The following SPECC1L variants were observed in gnomAD, a reference collection of about 807,000 sequenced individuals.
SPECC1L encodes the protein sperm antigen with calponin homology and coiled-coil domains 1 like, also known as cytospin-A.
SPECC1L carries 40 observed loss-of-function variants against 116.8 expected under a neutral mutation model. The ratio of observed to expected loss-of-function variants is 0.34; its 90% CI spans 0.27 to 0.45. The LOEUF is 0.45. SPECC1L is among the 20% of genes least tolerant of loss of function. The probability of loss-of-function intolerance (pLI) is 1.00; values close to 1 mark genes in which losing one functional copy is unlikely to be tolerated. For missense variants in SPECC1L, 1,110 were observed against 1,373.6 expected, an observed-to-expected ratio of 0.81 and a Z score of 3.03; for synonymous variants, 504 against 500.6, an observed-to-expected ratio of 1.01 and a Z score of -0.09.
At chr22:24,365,100 C>T (rs1237444727) in intron 12 of SPECC1L, among the ~76,000 whole-genome samples, 6 of 152,062 alleles carry the variant, frequency 3.9e-5, no homozygotes, top group African/African-American at 4.8e-5. Flanking sequence ...CTCCACCACC[C>T]GGGTTTAAGC....
In SPECC1L at chr22:24,399,353, G is replaced by T. The variant is rs192447477; in HGVS notation, c.3088-12235G>T. Among the ~76,000 whole-genome samples the T allele has an allele frequency of 1.7e-4, 26 of 152,266 alleles. No individual in the cohort carries two copies. The East Asian group carries it at 3.7e-3, about 21-fold the overall frequency. On this transcript the variant is annotated intron_variant, in intron 14 of 16. Coordinates refer to ENST00000314328, the MANE Select transcript of SPECC1L (RefSeq NM_015330.6). ...TGGGAGGCCGAGGCGGGTGGATCAC[G>T]AGGTCAGGAGATCGAGACCATCCTG...
intron 2 of SPECC1L, among the ~76,000 whole-genome samples, chr22:24,278,145 A>G (rs916094739): frequency 6.6e-6 from 1 of 152,086 alleles, no homozygotes; most frequent in Non-Finnish European, 1.5e-5. Context: ...ACTTGAGCCT[A>G]GTAGTTTGAG....
chr22:24,286,993 G>A (rs569216225), intron 2 of SPECC1L, among the ~76,000 whole-genome samples: 1 of 152,206 alleles, frequency 6.6e-6, no homozygotes, highest in Non-Finnish European at 1.5e-5. Context: ...CCTAAATGTT[G>A]TCTGGATAAA....
rs188252637 is a variant in SPECC1L, at chr22:24,355,327, A to G, written c.2744-7934A>G. ...AAGGAAACCAAGATCCAGGTGCTAA[A>G]TGTGCTCATTGCTACTGGGGTTTCA... On this transcript the variant is annotated intron_variant, in intron 11 of 16. Transcript: ENST00000314328. 2.3e-3 allele frequency among the ~76,000 whole-genome samples: 345 copies of G among 151,794 alleles called. 1 individual carries two copies. Among genetic ancestry groups the G allele is most frequent in the Non-Finnish European group, 3.8e-3 (257 of 67,926 alleles).
At chr22:24,313,200 T>G in intron 3 of SPECC1L, 113 bp from the exon 4 acceptor site, 2 of 1,075,610 alleles carry the variant, frequency 1.9e-6, no homozygotes, top group Non-Finnish European at 2.8e-6. Context: ...TGTCAGATAG[T>G]TTTGGTAATA....
At chr22:24,366,173 A>G (rs1451009169) in intron 13 of SPECC1L, among the ~76,000 whole-genome samples, 1 of 148,018 alleles carries the variant, frequency 6.8e-6, no homozygotes, top group African/African-American at 2.5e-5. Context: ...TTGACTAGGC[A>G]GGGGATGGCA....
chr22:24,375,704 C>G (rs2041958122), intron 14 of SPECC1L, among the ~76,000 whole-genome samples: 1 of 152,152 alleles, frequency 6.6e-6, no homozygotes, highest in African/African-American at 2.4e-5. Context: ...CCTGTAATCC[C>G]AGTACTTTGG....
chr22:24,319,965 C>T (rs973247607), intron 4 of SPECC1L, among the ~76,000 whole-genome samples: 2 of 152,156 alleles, frequency 1.3e-5, no homozygotes, highest in Non-Finnish European at 2.9e-5. Context: ...TGCGGTGGCT[C>T]ACGCCTGTAA....
At chr22:24,390,202 C>T (rs2042238233) in intron 14 of SPECC1L, among the ~76,000 whole-genome samples, 1 of 152,000 alleles carries the variant, frequency 6.6e-6, no homozygotes, top group South Asian at 2.1e-4. Context: ...CGCTCTTCCC[C>T]TGATCCTTCC....
intron 14 of SPECC1L, among the ~76,000 whole-genome samples, chr22:24,405,992 G>C (rs1414460820): frequency 6.6e-6 from 1 of 152,146 alleles, no homozygotes; most frequent in African/African-American, 2.4e-5. Flanking sequence ...TCAGACCCCT[G>C]TCCGCAAGCT....
chr22:24,320,616 A>G (rs1027437351), intron 4 of SPECC1L, among the ~76,000 whole-genome samples: 3 of 152,210 alleles, frequency 2.0e-5, no homozygotes, highest in African/African-American at 7.2e-5. Context: ...AATAGCACCT[A>G]CCTCACGTCT....
At chr22:24,403,319 A>AACTAAGTG (rs1260822116) in intron 14 of SPECC1L, among the ~76,000 whole-genome samples, 6 of 152,232 alleles carry the variant, frequency 3.9e-5, no homozygotes, top group Non-Finnish European at 7.3e-5. Context: ...ACCTGAAAAA[A>AACTAAGTG]ACTAAGTGCA....
At chr22:24,369,627 A>G (rs2041836082) in intron 14 of SPECC1L, among the ~76,000 whole-genome samples, 1 of 152,198 alleles carries the variant, frequency 6.6e-6, no homozygotes, top group Non-Finnish European at 1.5e-5. Flanking sequence ...TGAGCCTGGG[A>G]GGCAGAGGCT....
chr22:24,390,686 T>C (rs1456920468), intron 14 of SPECC1L, among the ~76,000 whole-genome samples: 2 of 151,954 alleles, frequency 1.3e-5, no homozygotes, highest in Non-Finnish European at 2.9e-5. Context: ...TCATAAGTTC[T>C]CCACAGTGAA....
intron 14 of SPECC1L, among the ~76,000 whole-genome samples, chr22:24,371,371 G>A (rs999167877): frequency 6.6e-6 from 1 of 152,148 alleles, no homozygotes; most frequent in African/African-American, 2.4e-5. Flanking sequence ...CCAGTATTTT[G>A]TGAGGCCAAG....
intron 2 of SPECC1L, among the ~76,000 whole-genome samples, chr22:24,291,337 G>T (rs550172152): frequency 6.6e-6 from 1 of 152,272 alleles, no homozygotes; most frequent in East Asian, 1.9e-4. Context: ...TGGGTGACTT[G>T]CACAAGGTCA....
chr22:24,374,323 G>A (rs989384519), intron 14 of SPECC1L, among the ~76,000 whole-genome samples: 11 of 151,838 alleles, frequency 7.2e-5, no homozygotes, highest in Non-Finnish European at 1.0e-4. Flanking sequence ...ACATGCACAC[G>A]TATGTTTATT....
chr22:24,406,095 C>T (rs2042586186), intron 14 of SPECC1L, among the ~76,000 whole-genome samples: 1 of 152,168 alleles, frequency 6.6e-6, no homozygotes, highest in Non-Finnish European at 1.5e-5. Context: ...GATTTTAGCC[C>T]TCCTGGGAAG....
At chr22:24,287,720 T>C (rs375668958) in intron 2 of SPECC1L, among the ~76,000 whole-genome samples, 2 of 152,246 alleles carry the variant, frequency 1.3e-5, no homozygotes, top group African/African-American at 4.8e-5. Flanking sequence ...CGGGATCACC[T>C]TTTACAGTGG....
Sources: gnomAD v4.1 joint callset for allele counts (sites outside exome capture counted in the v4.1 genomes callset) on GRCh38, gnomAD v4.1.1 for gene constraint, MANE v1.5 for transcripts, NCBI Gene and HGNC (gene_info 2026-07-23, HGNC 2026-07-21) for gene names.